MCTP1: variants seen among roughly 807,000 people sequenced by gnomAD.
MCTP1 encodes multiple C2 and transmembrane domain-containing protein 1.
MCTP1 carries 69 observed loss-of-function variants against 120.6 expected under a neutral mutation model. The ratio of observed to expected loss-of-function variants is 0.57; its 90% CI spans 0.47 to 0.70. The LOEUF is 0.70. Among genes scored for constraint, MCTP1 ranks in the 30% least tolerant of loss-of-function variants. MCTP1 has a pLI of 0.00. For missense variants in MCTP1, 1,203 were observed against 1,248.8 expected, an observed-to-expected ratio of 0.96 and a Z score of 0.55; for synonymous variants, 529 against 493.1, an observed-to-expected ratio of 1.07 and a Z score of -0.96.
chr5:95,230,085 G>A (rs1350615466), intron 1 of MCTP1, among the ~76,000 whole-genome samples: 4 of 151,882 alleles, frequency 2.6e-5, no homozygotes, highest in Non-Finnish European at 5.9e-5. Flanking sequence ...TAAAGAGGAA[G>A]GTACCTTTCT....
Position 95,069,580 on chromosome 5 carries a change from T to A in MCTP1, c.721-52096A>T, listed in dbSNP as rs1751577619. 1.3e-5 allele frequency among the ~76,000 whole-genome samples: 2 copies of A among 152,052 alleles called. 1 individual carries two copies. The highest frequency in any genetic ancestry group is 1.3e-4 in the Admixed American group (2 of 15,262). ...TGTATGTGTGTGAAAATAGAAAGCA[T>A]ACAAGTATAACGAAGGCACCCGTTC... is the stretch of plus-strand genomic sequence containing the variant. On this transcript the variant is annotated intron_variant, in intron 1 of 22. Coordinates refer to ENST00000515393, the MANE Select transcript of MCTP1 (RefSeq NM_024717.7).
intron 1 of MCTP1, among the ~76,000 whole-genome samples, chr5:95,078,544 A>G (rs949371720): frequency 2.0e-5 from 3 of 152,222 alleles, no homozygotes; most frequent in African/African-American, 7.2e-5. Context: ...TTTCTGGTTC[A>G]TAAAGGCCTG....
At position 95,009,069 on chromosome 5, in the gene MCTP1, AGAGAG is replaced by A. The variant is rs1835380377; in HGVS notation, c.838+8293_838+8297del. Among the ~76,000 whole-genome samples the A allele has an allele frequency of 1.0e-4, 3 of 29,160 alleles. No homozygotes were observed. The South Asian group carries it at 3.2e-3, about 32-fold the overall frequency. The allele number at this position is 29,160 out of a possible 152,430, so 19.1% of individuals were successfully genotyped here. A position where few individuals can be genotyped will look rare whatever the true frequency, so the allele number is the denominator to read the frequency against. On this transcript the variant is annotated intron_variant, in intron 2 of 22. Transcript: ENST00000515393. ...GAGAGAGGGAGAAAGAGAGAGAGAG[AGAGAG>A]AGAGAGAGAGAGAGAGAGAGAGAGA...
At chr5:94,758,238 TGAATA>T (rs1476208987) in intron 19 of MCTP1, among the ~76,000 whole-genome samples, 1 of 152,252 alleles carries the variant, frequency 6.6e-6, no homozygotes, top group African/African-American at 2.4e-5. Context: ...ATGGATGAAT[TGAATA>T]AATAATTCAT....
At chr5:94,934,094 C>T (rs1386478761) in intron 5 of MCTP1, among the ~76,000 whole-genome samples, 4 of 151,726 alleles carry the variant, frequency 2.6e-5, no homozygotes, top group African/African-American at 9.7e-5. Flanking sequence ...AATCTACTAC[C>T]AAAGCAATGG....
chr5:94,760,608 C>T (rs1250969133), intron 19 of MCTP1, among the ~76,000 whole-genome samples: 1 of 152,052 alleles, frequency 6.6e-6, no homozygotes, highest in East Asian at 1.9e-4. Flanking sequence ...ACATATGCTA[C>T]CTATGTACAG....
intron 1 of MCTP1, among the ~76,000 whole-genome samples, chr5:95,222,430 T>A (rs370761346): frequency 3.1e-4 from 48 of 152,390 alleles, no homozygotes; most frequent in Non-Finnish European, 5.9e-4. Context: ...CATATTTTAA[T>A]AGTCAAAGCT....
At chr5:94,986,965 T>C (rs749041929) in intron 2 of MCTP1, among the ~76,000 whole-genome samples, 27 of 152,228 alleles carry the variant, frequency 1.8e-4, no homozygotes, top group Non-Finnish European at 3.2e-4. Context: ...ACAACCTACA[T>C]GCATCCTCTG....
intron 1 of MCTP1, among the ~76,000 whole-genome samples, chr5:95,260,109 A>G (rs1228442949): frequency 6.6e-6 from 1 of 152,190 alleles, no homozygotes; most frequent in Non-Finnish European, 1.5e-5. Context: ...TGTAATCTGT[A>G]TCAACTATGC....
At chr5:95,252,787 T>C (rs1211546065) in intron 1 of MCTP1, among the ~76,000 whole-genome samples, 9 of 152,126 alleles carry the variant, frequency 5.9e-5, no homozygotes, top group Non-Finnish European at 1.5e-5. Flanking sequence ...ATATTCTTAA[T>C]TCTCATTTTT....
intron 19 of MCTP1, among the ~76,000 whole-genome samples, chr5:94,753,778 G>A (rs1286317151): frequency 1.3e-5 from 2 of 152,194 alleles, no homozygotes; most frequent in African/African-American, 4.8e-5. Flanking sequence ...GAAGGGCCTG[G>A]ATCTTCACAA....
chr5:94,955,443 TA>T (rs1026996244), intron 2 of MCTP1, among the ~76,000 whole-genome samples: 4 of 152,170 alleles, frequency 2.6e-5, no homozygotes, highest in Non-Finnish European at 4.4e-5. Flanking sequence ...GTAAGGGGGC[TA>T]AAGCCAGGTT....
chr5:94,987,513 T>G (rs541999365), intron 2 of MCTP1, among the ~76,000 whole-genome samples: 1 of 152,204 alleles, frequency 6.6e-6, no homozygotes, highest in Non-Finnish European at 1.5e-5. Flanking sequence ...ATATCAACTC[T>G]GGGAAAGTCA....
chr5:95,069,738 G>A (rs1027519388), intron 1 of MCTP1, among the ~76,000 whole-genome samples: 7 of 141,858 alleles, frequency 4.9e-5, no homozygotes, highest in Admixed American at 2.2e-4. Context: ...TTGCTTTGTC[G>A]CCCAGGCTGG....
chr5:94,793,028 A>G (rs943857109), intron 18 of MCTP1, among the ~76,000 whole-genome samples: 3 of 152,096 alleles, frequency 2.0e-5, no homozygotes, highest in Non-Finnish European at 4.4e-5. Context: ...CAATCTGGCA[A>G]CCCTAACTTG....
At chr5:94,710,582 CAACT>C in intron 21 of MCTP1, 1 of 393,858 alleles carries the variant, frequency 2.5e-6, no homozygotes. Flanking sequence ...AGAATCTGCA[CAACT>C]AACATGTTTA....
chr5:94,752,386 C>T (rs370939160), intron 19 of MCTP1, among the ~76,000 whole-genome samples: 19 of 151,834 alleles, frequency 1.3e-4, no homozygotes, highest in African/African-American at 4.3e-4. Context: ...ACCAAATGTT[C>T]GCCAGAGTAT....
chr5:95,127,248 A>AC (rs1413918295), intron 1 of MCTP1, among the ~76,000 whole-genome samples: 1 of 152,064 alleles, frequency 6.6e-6, no homozygotes, highest in Non-Finnish European at 1.5e-5. Flanking sequence ...TCAAATGAAA[A>AC]AAAAAAAGTT....
chr5:94,979,981 C>G (rs948701187), intron 2 of MCTP1, among the ~76,000 whole-genome samples: 5 of 152,062 alleles, frequency 3.3e-5, no homozygotes, highest in Non-Finnish European at 5.9e-5. Flanking sequence ...AAGGACTCCA[C>G]TGACATTTAG....
Sources: allele counts gnomAD v4.1 joint callset (sites outside exome capture counted in the v4.1 genomes callset), GRCh38; gene constraint gnomAD v4.1.1; transcripts MANE v1.5; gene names NCBI Gene and HGNC (gene_info 2026-07-23, HGNC 2026-07-21).